Variants in ABL1 observed in about 807,000 individuals in gnomAD.
ABL1 encodes ABL proto-oncogene 1, non-receptor tyrosine kinase, also known as tyrosine-protein kinase ABL1.
Under a neutral mutation model 94.7 loss-of-function variants are expected in ABL1, and 11 were observed. That is an observed-to-expected ratio of 0.12 (90% CI 0.07 to 0.19). The LOEUF (loss-of-function observed/expected upper bound fraction) is 0.19, where lower values mean the gene tolerates loss of function less well. Among genes scored for constraint, ABL1 ranks in the 10% least tolerant of loss-of-function variants. ABL1 has a pLI of 1.00. For synonymous variants in ABL1, 656 were observed against 622.4 expected, an observed-to-expected ratio of 1.05 and a Z score of -0.80; for missense variants, 1,082 against 1,489.4, an observed-to-expected ratio of 0.73 and a Z score of 4.50.
rs1038744008 is a variant in ABL1, at chr9:130,885,236, C to T, written c.2946C>T (p.Pro982=). 5 of 1,613,888 alleles carry T rather than the reference C, an allele frequency of 3.1e-6. No individual in the cohort carries two copies. The African/African-American group carries it at 4.0e-5, about 13-fold the overall frequency. Residue 982 remains proline (P), a synonymous_variant, in exon 11 of 11, where the codon CCC becomes CCT. Transcript: ENST00000318560. ...CCCCCATCAGCCCAGCCCCCGTTCC[C>T]TCCACGTTGCCATCAGCATCCTCGG... ...SGTPISPAPV[P]STLPSASSAL...
intron 1 of ABL1, among the ~76,000 whole-genome samples, chr9:130,790,060 G>C (rs1409260674): frequency 6.6e-6 from 1 of 152,218 alleles, no homozygotes; most frequent in Non-Finnish European, 1.5e-5. Flanking sequence ...GTCATTTGTG[G>C]AAGCTAGCAC....
chr9:130,865,868 A>G (rs952548737), intron 4 of ABL1, among the ~76,000 whole-genome samples: 5 of 151,876 alleles, frequency 3.3e-5, no homozygotes, highest in Non-Finnish European at 7.4e-5. Context: ...TGCTTACTAC[A>G]TGTCGCATCT....
At chr9:130,810,374 T>C (rs763417196) in intron 1 of ABL1, among the ~76,000 whole-genome samples, 5 of 152,090 alleles carry the variant, frequency 3.3e-5, no homozygotes, top group Non-Finnish European at 7.4e-5. Context: ...CGTGCACCTA[T>C]AATCCCAACT....
At chr9:130,835,062 G>A (rs2132910683), upstream of ABL1, 1 of 324,138 alleles carries the variant, frequency 3.1e-6, no homozygotes, top group Non-Finnish European at 6.1e-6. This position sits in a 1 kb window ranked among gnomAD's most constrained non-coding sequence, Gnocchi z 4.6. Context: ...CGCGGGCCGC[G>A]CGCGGCCTTC....
At position 130,868,520 on chromosome 9, in the gene ABL1, CTTT is replaced by C. The variant is rs71389371; in HGVS notation, c.823-3590_823-3588del. ...GCCAAGCCATTTCTTTTTTCTTTTT[CTTT>C]TTTTTTTTTTTTTTTTTTCAGACAG... On this transcript the variant is annotated intron_variant, in intron 4 of 10. Coordinates refer to ENST00000318560, the MANE Select transcript of ABL1 (RefSeq NM_005157.6). Among the ~76,000 whole-genome samples the C allele has an allele frequency of 1.3e-4, 15 of 112,098 alleles. No individual in the cohort carries two copies. The East Asian group carries it at 1.5e-3, about 11-fold the overall frequency. The allele number at this position is 112,098 out of a possible 152,430, so 73.5% of individuals were successfully genotyped here.
chr9:130,880,487 G>C lies in ABL1; in HGVS notation c.1514-13G>C. The C allele has an allele frequency of 6.2e-7, 1 of 1,613,724 alleles. No homozygotes were observed. The highest frequency in any genetic ancestry group is 1.1e-5 in the South Asian group (1 of 91,060). On this transcript the variant is annotated splice_polypyrimidine_tract_variant and intron_variant, in intron 9 of 10. Transcript: ENST00000318560. This position sits in a 1 kb window ranked among gnomAD's most constrained non-coding sequence, Gnocchi z 4.4. ...CTGCTGGATTTTTGTTTCTGTCCCTGTATGATTCTTAGAAGTGGAAAAGGA... is the reference window on the plus strand; with the variant it reads ...CTGCTGGATTTTTGTTTCTGTCCCTCTATGATTCTTAGAAGTGGAAAAGGA...
chr9:130,849,342 T>C (rs867298469), intron 1 of ABL1, among the ~76,000 whole-genome samples: 27 of 152,318 alleles, frequency 1.8e-4, no homozygotes, highest in Middle Eastern at 3.4e-3. Flanking sequence ...CTGGTTCATA[T>C]TCCAGTTGCC....
At chr9:130,755,536 A>G (rs1226755581) in intron 1 of ABL1, among the ~76,000 whole-genome samples, 3 of 152,202 alleles carry the variant, frequency 2.0e-5, no homozygotes, top group African/African-American at 7.2e-5. Context: ...GTCTCTGGAA[A>G]GAATCAACTA....
Position 130,872,033 on chromosome 9 carries a change from T to C in ABL1, c.823-96T>C. On this transcript the variant is annotated intron_variant, in intron 4 of 10. Coordinates refer to ENST00000318560, the MANE Select transcript of ABL1 (RefSeq NM_005157.6). The surrounding 1 kb of genome is among the most constrained non-coding windows in gnomAD (Gnocchi z 5.0). ...CACAAAACGCAGCCCAGGACGAGTA[T>C]GCGCTGAAGCTCCATTTTGCATTAA... is the stretch of plus-strand genomic sequence containing the variant. 9.2e-7 allele frequency: 1 copy of C among 1,081,710 alleles called. No individual in the cohort carries two copies. The highest frequency in any genetic ancestry group is 1.4e-6 in the Non-Finnish European group (1 of 725,218). The allele number at this position is 1,081,710 out of a possible 1,614,324, so 67.0% of individuals were successfully genotyped here.
chr9:130,761,268 A>G (rs538921888), intron 1 of ABL1, among the ~76,000 whole-genome samples: 2 of 151,814 alleles, frequency 1.3e-5, no homozygotes, highest in Admixed American at 6.6e-5. Flanking sequence ...CGCCCGGCCT[A>G]TTTCCTCCCC....
chr9:130,800,272 A>G (rs1830037914), intron 1 of ABL1, among the ~76,000 whole-genome samples: 1 of 152,126 alleles, frequency 6.6e-6, no homozygotes, highest in Non-Finnish European at 1.5e-5. Flanking sequence ...ATTTACATAT[A>G]ATATCCACCC....
At chr9:130,857,511 G>A (rs77068819) in intron 3 of ABL1, among the ~76,000 whole-genome samples, 13 of 152,178 alleles carry the variant, frequency 8.5e-5, no homozygotes, top group Non-Finnish European at 1.0e-4. Context: ...ATCTAGGCCT[G>A]TTGACCTCTC....
chr9:130,721,831 T>G lies in ABL1; in HGVS notation c.136+7376T>G, dbSNP rs564304981. On this transcript the variant is annotated intron_variant, in intron 1 of 10. Transcript: ENST00000372348. Reference sequence around the variant, plus strand: ...TGTCAGGTTTTTTTTTGTTTTTTTTTTTTTTTTTGAGACAGAGCCTTGCTC... The same window carrying G: ...TGTCAGGTTTTTTTTTGTTTTTTTTGTTTTTTTTGAGACAGAGCCTTGCTC... Among the ~76,000 whole-genome samples, 739 of 149,314 alleles carry G rather than the reference T, an allele frequency of 4.9e-3. 8 individuals are homozygous for G. Among genetic ancestry groups the G allele is most frequent in the African/African-American group, 0.017 (713 of 40,892 alleles).
intron 1 of ABL1, among the ~76,000 whole-genome samples, chr9:130,716,750 T>C (rs1831446154): frequency 6.7e-6 from 1 of 149,988 alleles, no homozygotes; most frequent in South Asian, 2.1e-4. Context: ...TTTGGAGAAT[T>C]TTTTTTTTTT....
chr9:130,788,228 G>T (rs890867058), intron 1 of ABL1, among the ~76,000 whole-genome samples: 10 of 152,178 alleles, frequency 6.6e-5, no homozygotes, highest in African/African-American at 2.4e-4. Flanking sequence ...CAAACTTACA[G>T]AAAATTTACA....
At chr9:130,762,983 G>A (rs916491500) in intron 1 of ABL1, among the ~76,000 whole-genome samples, 1 of 151,446 alleles carries the variant, frequency 6.6e-6, no homozygotes, top group African/African-American at 2.4e-5. Flanking sequence ...TTGCTCCTCT[G>A]CTTAAAACCT....
intron 1 of ABL1, among the ~76,000 whole-genome samples, chr9:130,769,792 G>T (rs1028053541): frequency 6.6e-6 from 1 of 152,056 alleles, no homozygotes; most frequent in African/African-American, 2.4e-5. Context: ...TTGAGATACA[G>T]AACAGTTCTA....
At chr9:130,869,165 TC>T (rs1171986063) in intron 4 of ABL1, among the ~76,000 whole-genome samples, 4 of 124,520 alleles carry the variant, frequency 3.2e-5, no homozygotes, top group African/African-American at 2.0e-4. Flanking sequence ...AGACTCCGTC[TC>T]AAAAAAAAAA....
chr9:130,763,024 G>T (rs1277912525), intron 1 of ABL1, among the ~76,000 whole-genome samples: 1 of 151,916 alleles, frequency 6.6e-6, no homozygotes, highest in African/African-American at 2.4e-5. Flanking sequence ...CACAAAAAAA[G>T]CCAAGCATAT....
Sources: gnomAD v4.1 joint callset for allele counts (sites outside exome capture counted in the v4.1 genomes callset) on GRCh38, gnomAD v4.1.1 for gene constraint, Gnocchi (gnomAD v3.1) non-coding constraint, MANE v1.5 for transcripts, NCBI Gene and HGNC (gene_info 2026-07-23, HGNC 2026-07-21) for gene names.